The following SPTLC2 variants were observed in gnomAD, a reference collection of about 807,000 sequenced individuals.
SPTLC2 encodes the protein serine palmitoyltransferase 2.
Under a neutral mutation model 62.0 loss-of-function variants are expected in SPTLC2, and 21 were observed. The ratio of observed to expected loss-of-function variants is 0.34; its 90% CI spans 0.24 to 0.49. SPTLC2 has a LOEUF of 0.49. SPTLC2 is among the 20% of genes least tolerant of loss of function. SPTLC2 has a pLI of 0.99. For synonymous variants in SPTLC2, 261 were observed against 261.8 expected (o/e 1.00, Z 0.03); for missense variants, 511 against 713.0 (o/e 0.72, Z 3.23).
At chr14:77,600,382 C>G (rs1455291937) in intron 1 of SPTLC2, among the ~76,000 whole-genome samples, 1 of 152,126 alleles carries the variant, frequency 6.6e-6, no homozygotes, top group Non-Finnish European at 1.5e-5. Context: ...CAGATGGGCA[C>G]GCCAACTGAC....
At chr14:77,598,981 AACAAG>A (rs1452744543) in intron 1 of SPTLC2, among the ~76,000 whole-genome samples, 1 of 152,114 alleles carries the variant, frequency 6.6e-6, no homozygotes, top group African/African-American at 2.4e-5. Flanking sequence ...TGAAACCCAA[AACAAG>A]GGGAAAAATT....
intron 2 of SPTLC2, among the ~76,000 whole-genome samples, chr14:77,587,800 G>C (rs1222129385): frequency 8.2e-6 from 1 of 121,742 alleles, no homozygotes; most frequent in Non-Finnish European, 1.9e-5. Flanking sequence ...AACTAATGCT[G>C]TTTGCTGGTA....
At chr14:77,515,542 CTTTT>C (rs71128633) in intron 11 of SPTLC2, among the ~76,000 whole-genome samples, 4 of 124,714 alleles carry the variant, frequency 3.2e-5, no homozygotes, top group East Asian at 2.1e-4. Flanking sequence ...AAGGGAAAGG[CTTTT>C]TTTTTTTTTT....
chr14:77,587,743 G>T (rs181092465), intron 2 of SPTLC2, among the ~76,000 whole-genome samples: 1 of 135,018 alleles, frequency 7.4e-6, no homozygotes, highest in Non-Finnish European at 1.6e-5. Context: ...GGCGACAAGA[G>T]CAAAACTCTG....
chr14:77,570,483 T>C lies in SPTLC2; in HGVS notation c.657A>G (p.Leu219=), dbSNP rs760366638. The stretch of plus-strand genomic sequence containing the variant: ...CTAAGAACCTTGCTACAAGCTCCTC[T>C]AGTTCTTCATGCTTGTCCAGGTTTC... The part of the protein sequence containing the change: ...EIGNLDKHEE[L]EELVARFLGV... The change falls in exon 5 of 12, where the codon CTA becomes CTG. Residue 219 remains leucine, a synonymous_variant. Coordinates refer to ENST00000216484, the MANE Select transcript of SPTLC2 (RefSeq NM_004863.4). 6.2e-7 allele frequency: 1 copy of C among 1,613,994 alleles called. No individual in the cohort carries two copies. The highest frequency in any genetic ancestry group is 1.1e-5 in the South Asian group (1 of 91,082).
chr14:77,540,205 CAAAAA>C (rs34847653), intron 9 of SPTLC2, among the ~76,000 whole-genome samples: 1 of 87,714 alleles, frequency 1.1e-5, no homozygotes, highest in Non-Finnish European at 2.3e-5. Flanking sequence ...ACTCTTGTCT[CAAAAA>C]AAAAAAAAAA....
In SPTLC2 at chr14:77,591,746, G is replaced by A. The variant is rs921006386; in HGVS notation, c.327+5440C>T. Among the ~76,000 whole-genome samples the A allele has an allele frequency of 2.0e-4, 17 of 82,928 alleles. No individual in the cohort carries two copies. The South Asian group carries it at 5.0e-3, about 25-fold the overall frequency. 54.4% of individuals were successfully genotyped at this position (82,928 alleles called of 152,430 possible). A position where few individuals can be genotyped will look rare whatever the true frequency, so the allele number is the denominator to read the frequency against. On this transcript the variant is annotated intron_variant, in intron 2 of 11. Coordinates refer to ENST00000216484, the MANE Select transcript of SPTLC2 (RefSeq NM_004863.4). Reference sequence around the variant, plus strand: ...TGTATGTATGTATTTATTTTTAGACGGAGTTTCTCTCTTGTTGCCCAGGCT... The same window carrying A: ...TGTATGTATGTATTTATTTTTAGACAGAGTTTCTCTCTTGTTGCCCAGGCT...
rs1271201080 is a variant in SPTLC2, at chr14:77,578,970, T to C, written c.467A>G (p.Tyr156Cys). 1.9e-6 allele frequency: 3 copies of C among 1,614,080 alleles called. No homozygotes were observed. Among genetic ancestry groups the C allele is most frequent in the African/African-American group, 1.3e-5 (1 of 75,030 alleles). Residue 156 changes from tyrosine to cysteine, a missense_variant, in exon 3 of 12, where the codon TAT becomes TGT. Physicochemically the swap from Tyr to Cys is radical, Grantham distance 194. Coordinates refer to ENST00000216484, the MANE Select transcript of SPTLC2 (RefSeq NM_004863.4). ...CAAGACTCACTTGAAGGACCAGTTA[T>C]AATCATGAGACTGTCTCTCCATGAT... Reference protein sequence around the residue: ...VDIMERQSHDYNWSFKYTGNI... With the variant: ...VDIMERQSHDCNWSFKYTGNI...
At chr14:77,575,681 G>A (rs970386898) in intron 4 of SPTLC2, among the ~76,000 whole-genome samples, 15 of 152,162 alleles carry the variant, frequency 9.9e-5, no homozygotes, top group Non-Finnish European at 1.3e-4. Flanking sequence ...ACAAGCATGC[G>A]CCACCACGTT....
At chr14:77,602,277 T>C (rs1453095477) in intron 1 of SPTLC2, among the ~76,000 whole-genome samples, 1 of 152,176 alleles carries the variant, frequency 6.6e-6, no homozygotes, top group Non-Finnish European at 1.5e-5. Context: ...TTAGACTTCA[T>C]GGGCACCTCA....
chr14:77,557,584 A>C (rs1406999444), intron 6 of SPTLC2, among the ~76,000 whole-genome samples: 1 of 152,240 alleles, frequency 6.6e-6, no homozygotes. Context: ...CTCCTCCTAA[A>C]AAAACAAACG....
intron 1 of SPTLC2, among the ~76,000 whole-genome samples, chr14:77,599,728 T>C (rs766162580): frequency 4.6e-5 from 7 of 152,242 alleles, no homozygotes; most frequent in Non-Finnish European, 1.0e-4. Context: ...AGTAAGACTG[T>C]AATGTGTTTA....
At chr14:77,563,434 G>C (rs1269836523) in intron 5 of SPTLC2, among the ~76,000 whole-genome samples, 12 of 152,116 alleles carry the variant, frequency 7.9e-5, no homozygotes, top group Admixed American at 7.9e-4. Flanking sequence ...TATATTGTGT[G>C]TATGTGTGTG....
intron 2 of SPTLC2, among the ~76,000 whole-genome samples, chr14:77,586,196 C>A (rs2140046845): frequency 6.6e-6 from 1 of 151,782 alleles, no homozygotes; most frequent in African/African-American, 2.4e-5. Flanking sequence ...GTACCTCAGC[C>A]TCTCAAGTAG....
At position 77,507,780 on chromosome 14, in the gene SPTLC2, T is replaced by C. The variant is rs1259725846; in HGVS notation, c.*4504A>G. On this transcript the variant is annotated 3_prime_UTR_variant, in exon 12 of 12. Coordinates refer to ENST00000216484, the MANE Select transcript of SPTLC2 (RefSeq NM_004863.4). Reference sequence around the variant, plus strand: ...AAGCAAGTAGCAGGGTATCTGTAGGTTCTGGGACTGAAAAAAAAAATCCCT... The same window carrying C: ...AAGCAAGTAGCAGGGTATCTGTAGGCTCTGGGACTGAAAAAAAAAATCCCT... The C allele has an allele frequency of 6.6e-6, 1 of 152,198 alleles. No individual in the cohort carries two copies. Among genetic ancestry groups the C allele is most frequent in the Non-Finnish European group, 1.5e-5 (1 of 68,048 alleles). 9.4% of individuals were successfully genotyped at this position (152,198 alleles called of 1,614,324 possible).
At chr14:77,583,238 TAAA>T (rs1555376925) in intron 2 of SPTLC2, among the ~76,000 whole-genome samples, 8 of 140,248 alleles carry the variant, frequency 5.7e-5, no homozygotes, top group African/African-American at 2.1e-4. Flanking sequence ...AATAAATAAA[TAAA>T]AATAATAATT....
intron 1 of SPTLC2, among the ~76,000 whole-genome samples, chr14:77,608,451 A>G (rs2079916614): frequency 6.6e-6 from 1 of 152,198 alleles, no homozygotes; most frequent in African/African-American, 2.4e-5. Context: ...TCAAAACTTA[A>G]GATTTAGCTT....
intron 2 of SPTLC2, among the ~76,000 whole-genome samples, chr14:77,582,971 G>A (rs1188862742): frequency 1.3e-5 from 2 of 152,108 alleles, no homozygotes; most frequent in Admixed American, 6.6e-5. Context: ...GGCTCAAGGC[G>A]GGTGGATCGC....
At chr14:77,593,245 A>C (rs535659677) in intron 2 of SPTLC2, among the ~76,000 whole-genome samples, 16 of 152,332 alleles carry the variant, frequency 1.1e-4, no homozygotes, top group African/African-American at 3.8e-4. Flanking sequence ...ACTACCTACC[A>C]TAATTTACTC....
Sources: allele counts gnomAD v4.1 joint callset (sites outside exome capture counted in the v4.1 genomes callset), GRCh38; gene constraint gnomAD v4.1.1; transcripts MANE v1.5; gene names NCBI Gene and HGNC (gene_info 2026-07-23, HGNC 2026-07-21).